Variants in ENTREP2 observed in about 807,000 individuals in gnomAD.
ENTREP2 encodes the protein endosomal transmembrane epsin interactor 2, also known as protein ENTREP2.
At chr15:29,256,496 A>G in the ENTREP2 span, among the ~76,000 whole-genome samples, 1 of 152,226 alleles carries the variant, frequency 6.6e-6, no homozygotes, top group East Asian at 1.9e-4. Context: ...TCCACACAAC[A>G]GTCTCAAAAT....
chr15:29,574,596 A>G, the ENTREP2 span, among the ~76,000 whole-genome samples: 5 of 152,170 alleles, frequency 3.3e-5, no homozygotes, highest in African/African-American at 7.2e-5. Context: ...CCCGGCCAAG[A>G]CCATTGTTCT....
chr15:29,646,601 C>T, the ENTREP2 span, among the ~76,000 whole-genome samples: 1 of 152,048 alleles, frequency 6.6e-6, no homozygotes, highest in East Asian at 1.9e-4. Flanking sequence ...TTTAAGGACT[C>T]GTGTAATTAG....
the ENTREP2 span, among the ~76,000 whole-genome samples, chr15:29,219,382 C>T: frequency 6.6e-6 from 1 of 151,898 alleles, no homozygotes; most frequent in South Asian, 2.1e-4. Context: ...GGAATGTAAA[C>T]TAATGCAATC....
the ENTREP2 span, among the ~76,000 whole-genome samples, chr15:29,214,070 A>G: frequency 6.6e-6 from 1 of 152,190 alleles, no homozygotes; most frequent in African/African-American, 2.4e-5. Context: ...GAGAAATAGG[A>G]ACACTTTTAC....
the ENTREP2 span, among the ~76,000 whole-genome samples, chr15:29,425,825 T>C: frequency 2.6e-5 from 4 of 152,150 alleles, no homozygotes; most frequent in South Asian, 2.1e-4. Flanking sequence ...CTATGCAACA[T>C]GGCAAAATTT....
At chr15:29,196,575 G>A in the ENTREP2 span, 2 of 1,546,302 alleles carry the variant, frequency 1.3e-6, no homozygotes, top group South Asian at 2.4e-5. Context: ...CTAGACAGAG[G>A]AACACAGACA....
chr15:29,377,737 C>T, the ENTREP2 span, among the ~76,000 whole-genome samples: 1 of 151,604 alleles, frequency 6.6e-6, no homozygotes, highest in Non-Finnish European at 1.5e-5. Context: ...AAGAGAATCG[C>T]TTGAACCCGG....
the ENTREP2 span, among the ~76,000 whole-genome samples, chr15:29,383,930 G>A: frequency 1.1e-3 from 167 of 152,220 alleles, 3 homozygotes; most frequent in Middle Eastern, 0.02. Flanking sequence ...CCCACCGCCC[G>A]GGTCCCCTCC....
the ENTREP2 span, among the ~76,000 whole-genome samples, chr15:29,170,289 C>A: frequency 3.6e-5 from 4 of 110,366 alleles, no homozygotes; most frequent in Non-Finnish European, 6.6e-5. Context: ...GCCTGGGTGA[C>A]AGAGCGAGAC....
chr15:29,497,243 T>C, the ENTREP2 span, among the ~76,000 whole-genome samples: 2 of 152,222 alleles, frequency 1.3e-5, no homozygotes, highest in African/African-American at 4.8e-5. Context: ...TTATTTTCTA[T>C]GTAAGTTACC....
At chr15:29,589,405 T>C in the ENTREP2 span, among the ~76,000 whole-genome samples, 62 of 152,308 alleles carry the variant, frequency 4.1e-4, no homozygotes, top group African/African-American at 1.2e-3. Context: ...ATGACTTTTG[T>C]TCTGTATTTG....
At chr15:29,318,074 A>C in the ENTREP2 span, among the ~76,000 whole-genome samples, 39 of 152,290 alleles carry the variant, frequency 2.6e-4, no homozygotes, top group South Asian at 7.9e-3. Context: ...AGAGCTCTTC[A>C]TATGTTGATG....
At chr15:29,351,642 A>AT in the ENTREP2 span, among the ~76,000 whole-genome samples, 1 of 152,038 alleles carries the variant, frequency 6.6e-6, no homozygotes, top group Admixed American at 6.5e-5. Flanking sequence ...TATGAAATTT[A>AT]TTTATTTTAT....
chr15:29,599,828 T>G, the ENTREP2 span, among the ~76,000 whole-genome samples: 6 of 152,224 alleles, frequency 3.9e-5, no homozygotes, highest in Non-Finnish European at 7.3e-5. Flanking sequence ...TTAAAAACTT[T>G]AATGGATCTC....
At chr15:29,319,637 GA>G in the ENTREP2 span, among the ~76,000 whole-genome samples, 2 of 152,326 alleles carry the variant, frequency 1.3e-5, no homozygotes, top group Middle Eastern at 3.4e-3. Flanking sequence ...CTTATGATAA[GA>G]AAAAAGCTGA....
chr15:29,494,369 T>G, the ENTREP2 span, among the ~76,000 whole-genome samples: 1 of 152,310 alleles, frequency 6.6e-6, no homozygotes, highest in Non-Finnish European at 1.5e-5. Context: ...TATTCAACTC[T>G]TCCAGCTTTA....
chr15:29,197,496 G>A, the ENTREP2 span, among the ~76,000 whole-genome samples: 1 of 152,116 alleles, frequency 6.6e-6, no homozygotes, highest in Non-Finnish European at 1.5e-5. Context: ...GGCCAGGCGC[G>A]GTGGCTCACA....
the ENTREP2 span, among the ~76,000 whole-genome samples, chr15:29,595,925 G>A: frequency 2.0e-5 from 3 of 151,942 alleles, no homozygotes; most frequent in South Asian, 2.1e-4. Flanking sequence ...TGAGCACTTC[G>A]TTATTTTCTG....
At chr15:29,596,727 G>A in the ENTREP2 span, among the ~76,000 whole-genome samples, 3,262 of 151,654 alleles carry the variant, frequency 0.022, 108 homozygotes, top group African/African-American at 0.072. Context: ...GAGTGCAGTG[G>A]TATGATCTCA....
Sources: allele counts gnomAD v4.1 joint callset (sites outside exome capture counted in the v4.1 genomes callset), GRCh38; gene constraint gnomAD v4.1.1; transcripts MANE v1.5; gene names NCBI Gene and HGNC (gene_info 2026-07-23, HGNC 2026-07-21).